The following FBN1 variants were observed in gnomAD, a reference collection of about 807,000 sequenced individuals.
FBN1 encodes fibrillin-1.
FBN1 carries 29 observed loss-of-function variants against 365.1 expected under a neutral mutation model. That is an observed-to-expected ratio of 0.08 (90% CI 0.06 to 0.11). The LOEUF is 0.11. FBN1 is among the 10% of genes least tolerant of loss of function. FBN1 has a pLI of 1.00. For missense variants in FBN1, 2,476 were observed against 3,703.2 expected, an observed-to-expected ratio of 0.67 and a Z score of 8.60; for synonymous variants, 1,210 against 1,270.5, an observed-to-expected ratio of 0.95 and a Z score of 1.01.
At chr15:48,565,542 A>G (rs1265414731) in intron 6 of FBN1, among the ~76,000 whole-genome samples, 1 of 152,112 alleles carries the variant, frequency 6.6e-6, no homozygotes, top group Non-Finnish European at 1.5e-5. Flanking sequence ...CTAAATGAAT[A>G]AAAGGAAACC....
chr15:48,593,370 G>A (rs1201105103), intron 6 of FBN1, among the ~76,000 whole-genome samples: 2 of 152,198 alleles, frequency 1.3e-5, no homozygotes, highest in African/African-American at 4.8e-5. Flanking sequence ...ATTATATCAT[G>A]ATAAGAGGTT....
intron 6 of FBN1, among the ~76,000 whole-genome samples, chr15:48,583,936 T>C (rs2140691521): frequency 6.6e-6 from 1 of 152,308 alleles, no homozygotes; most frequent in Non-Finnish European, 1.5e-5. Context: ...TTGGGTTTCA[T>C]CTGAATAGGG....
intron 54 of FBN1, 42 bp downstream of exon 54, chr15:48,434,552 A>G: frequency 6.2e-7 from 1 of 1,612,088 alleles, no homozygotes; most frequent in Non-Finnish European, 8.5e-7. Flanking sequence ...TGTTCCCAGG[A>G]TCAGTACACG....
intron 32 of FBN1, among the ~76,000 whole-genome samples, chr15:48,477,361 G>T (rs1300244266): frequency 1.3e-5 from 2 of 152,244 alleles, no homozygotes; most frequent in East Asian, 3.9e-4. Context: ...TTGGGTAATA[G>T]GAGAGAGTAA....
Position 48,489,846 on chromosome 15 carries a change from TG to T in FBN1, c.3082+4del, listed in dbSNP as rs578021390. 2.5e-6 allele frequency: 4 copies of T among 1,612,828 alleles called. No homozygotes were observed. The highest frequency in any genetic ancestry group is 3.4e-6 in the Non-Finnish European group (4 of 1,178,822). On this transcript the variant is annotated splice_donor_region_variant and intron_variant, in intron 25 of 65. Coordinates refer to ENST00000316623, the MANE Select transcript of FBN1 (RefSeq NM_000138.5). ...CAATTGGCCATGGAAAACGTAACAT[TG>T]TACCTTTGAAGAAAGGCTTTCCATT...
chr15:48,445,182 A>G (rs2043146292), intron 48 of FBN1, among the ~76,000 whole-genome samples, 194 bp downstream of exon 48: 1 of 140,846 alleles, frequency 7.1e-6, no homozygotes, highest in African/African-American at 2.6e-5. Flanking sequence ...ACATATATAT[A>G]TGTATATATA....
chr15:48,442,095 G>A (rs942543961), intron 49 of FBN1, among the ~76,000 whole-genome samples: 17 of 152,274 alleles, frequency 1.1e-4, no homozygotes, highest in African/African-American at 4.1e-4. Flanking sequence ...AGTGACAAAC[G>A]TCTCTTACCC....
chr15:48,450,269 G>A (rs968473834), intron 45 of FBN1, among the ~76,000 whole-genome samples: 1 of 152,130 alleles, frequency 6.6e-6, no homozygotes, highest in East Asian at 1.9e-4. Flanking sequence ...AGGGGACGAG[G>A]TCTGTCTCAT....
intron 8 of FBN1, among the ~76,000 whole-genome samples, chr15:48,533,591 T>C (rs1055716497): frequency 2.0e-5 from 3 of 152,162 alleles, no homozygotes; most frequent in African/African-American, 4.8e-5. Context: ...TGATAGGCAA[T>C]TACCATCCCC....
At chr15:48,570,936 C>T (rs562366998) in intron 6 of FBN1, among the ~76,000 whole-genome samples, 1 of 152,184 alleles carries the variant, frequency 6.6e-6, no homozygotes, top group African/African-American at 2.4e-5. Flanking sequence ...TATAGGCCTT[C>T]CAGGGCCTAA....
intron 6 of FBN1, among the ~76,000 whole-genome samples, chr15:48,553,556 T>C (rs1463033088): frequency 1.3e-5 from 2 of 152,192 alleles, no homozygotes; most frequent in Non-Finnish European, 1.5e-5. Context: ...AAAAATGAAG[T>C]CGCAGCTTTA....
chr15:48,418,590 C>T (rs767697456), intron 63 of FBN1, among the ~76,000 whole-genome samples: 33 of 152,292 alleles, frequency 2.2e-4, no homozygotes, highest in Middle Eastern at 6.8e-3. Context: ...CTTTTCCTGA[C>T]CTTTTTCATC....
At chr15:48,602,559 G>A (rs536584764) in intron 4 of FBN1, among the ~76,000 whole-genome samples, 1 of 152,222 alleles carries the variant, frequency 6.6e-6, no homozygotes, top group African/African-American at 2.4e-5. Context: ...TGTGTCCGAG[G>A]CACTTATACA....
chr15:48,432,754 G>T, intron 55 of FBN1, 112 bp downstream of exon 55: 1 of 1,381,860 alleles, frequency 7.2e-7, no homozygotes, highest in South Asian at 1.2e-5. Flanking sequence ...ATTGTCCACG[G>T]ACTATTTATA....
intron 6 of FBN1, among the ~76,000 whole-genome samples, chr15:48,577,502 C>T (rs1597614510): frequency 6.6e-6 from 1 of 152,260 alleles, no homozygotes; most frequent in South Asian, 2.1e-4. Flanking sequence ...CAAACATCTA[C>T]CACCACTCTT....
intron 2 of FBN1, among the ~76,000 whole-genome samples, chr15:48,639,348 C>A (rs1336565893): frequency 6.6e-6 from 1 of 152,182 alleles, no homozygotes; most frequent in Non-Finnish European, 1.5e-5. Context: ...TGCTTAGCAA[C>A]ATATAGTGCT....
intron 6 of FBN1, among the ~76,000 whole-genome samples, chr15:48,590,526 ACAT>A (rs1296108914): frequency 1.3e-5 from 2 of 152,248 alleles, no homozygotes; most frequent in South Asian, 2.1e-4. Context: ...AATCATTTTT[ACAT>A]CATCAGAGAA....
At chr15:48,631,861 T>C (rs1004318195) in intron 2 of FBN1, among the ~76,000 whole-genome samples, 1 of 152,196 alleles carries the variant, frequency 6.6e-6, no homozygotes, top group African/African-American at 2.4e-5. Flanking sequence ...ACTCCCAGGG[T>C]ATCTCTGCAC....
At chr15:48,416,488 C>T (rs1235238017) in intron 63 of FBN1, among the ~76,000 whole-genome samples, 1 of 152,182 alleles carries the variant, frequency 6.6e-6, no homozygotes, top group East Asian at 1.9e-4. Flanking sequence ...AGTGTCTGAG[C>T]CCTGTCTAAA....
Sources: gnomAD v4.1 joint callset for allele counts (sites outside exome capture counted in the v4.1 genomes callset) on GRCh38, gnomAD v4.1.1 for gene constraint, MANE v1.5 for transcripts, NCBI Gene and HGNC (gene_info 2026-07-23, HGNC 2026-07-21) for gene names.